CNTN5: variants seen among roughly 807,000 people sequenced by gnomAD.
CNTN5 encodes the protein contactin-5.
CNTN5 carries 77 observed loss-of-function variants against 129.1 expected under a neutral mutation model. The observed-to-expected ratio is 0.60, with a 90% CI of 0.50 to 0.72. The LOEUF is 0.72. CNTN5 is among the 30% of genes least tolerant of loss of function. The probability of loss-of-function intolerance (pLI) is 0.00; values close to 1 mark genes in which losing one functional copy is unlikely to be tolerated. For synonymous variants in CNTN5, 509 were observed against 465.6 expected, an observed-to-expected ratio of 1.09 and a Z score of -1.20; for missense variants, 1,478 against 1,328.8, an observed-to-expected ratio of 1.11 and a Z score of -1.75.
intron 8 of CNTN5, among the ~76,000 whole-genome samples, chr11:99,975,148 T>C (rs968595141): frequency 3.3e-5 from 5 of 152,258 alleles, no homozygotes; most frequent in Admixed American, 6.5e-5. Context: ...AATTGGAAAT[T>C]TAGAGGCAAA....
chr11:99,322,583 A>G (rs978232512), intron 1 of CNTN5, among the ~76,000 whole-genome samples: 1 of 152,176 alleles, frequency 6.6e-6, no homozygotes, highest in African/African-American at 2.4e-5. Context: ...AGGTTTAATT[A>G]CAAGGTTTTA....
chr11:99,358,271 T>TTTTTTTTTTTTTTTTTTTTA, intron 2 of CNTN5, among the ~76,000 whole-genome samples: 1 of 129,440 alleles, frequency 7.7e-6, no homozygotes, highest in African/African-American at 2.8e-5. Flanking sequence ...TTTTTTTTTT[T>TTTTTTTTTTTTTTTTTTTTA]TTTTAGTAGA....
intron 3 of CNTN5, among the ~76,000 whole-genome samples, chr11:99,747,311 G>A (rs1944085032): frequency 6.6e-6 from 1 of 152,022 alleles, no homozygotes; most frequent in Admixed American, 6.6e-5. Flanking sequence ...ACAGTTTTTG[G>A]TGGAGTCTTT....
chr11:99,489,025 C>G (rs1945930824), intron 2 of CNTN5, among the ~76,000 whole-genome samples: 1 of 151,374 alleles, frequency 6.6e-6, no homozygotes, highest in African/African-American at 2.4e-5. Flanking sequence ...AGAGCCTACT[C>G]TATGATTTGC....
intron 16 of CNTN5, among the ~76,000 whole-genome samples, chr11:100,231,757 A>T (rs1234934458): frequency 6.6e-6 from 1 of 152,216 alleles, no homozygotes; most frequent in Non-Finnish European, 1.5e-5. Flanking sequence ...ATTCTATTCT[A>T]AGCAAATAGT....
At chr11:99,821,935 T>C (rs1202565079) in intron 4 of CNTN5, among the ~76,000 whole-genome samples, 1 of 152,194 alleles carries the variant, frequency 6.6e-6, no homozygotes, top group African/African-American at 2.4e-5. Flanking sequence ...AATCTGAGTA[T>C]TTTCCAAGTA....
In CNTN5 at chr11:100,289,865, T is replaced by C. The variant is rs1222910114; in HGVS notation, c.2315-7760T>C. Among the ~76,000 whole-genome samples, 28 of 149,896 alleles carry C rather than the reference T, an allele frequency of 1.9e-4. No individual in the cohort carries two copies. In the South Asian group the frequency reaches 2.6e-3, roughly 14 times the overall value. On this transcript the variant is annotated intron_variant, in intron 18 of 24. Transcript: ENST00000524871. ...TGATTGTATATCTAGAAAACCCCAT[T>C]GTCTCAGCCCAAAATCTCCTTAAGC...
At chr11:100,026,078 T>C (rs1941406002) in intron 9 of CNTN5, among the ~76,000 whole-genome samples, 1 of 152,162 alleles carries the variant, frequency 6.6e-6, no homozygotes, top group African/African-American at 2.4e-5. Flanking sequence ...TCCTCTTTAA[T>C]TGTAATCCCC....
At chr11:100,283,663 G>A (rs74240255) in intron 18 of CNTN5, among the ~76,000 whole-genome samples, 3,735 of 152,136 alleles carry the variant, frequency 0.025, 134 homozygotes, top group East Asian at 0.19. Flanking sequence ...TATTCCCTCC[G>A]GGCCGGGCGC....
intron 3 of CNTN5, among the ~76,000 whole-genome samples, chr11:99,783,110 C>A (rs1475640151): frequency 1.0e-5 from 1 of 98,238 alleles, no homozygotes; most frequent in Non-Finnish European, 2.1e-5. Flanking sequence ...CTACAATGAA[C>A]TCAAACAAAT....
At chr11:99,296,326 TG>T (rs1354405973) in intron 1 of CNTN5, among the ~76,000 whole-genome samples, 1 of 152,150 alleles carries the variant, frequency 6.6e-6, no homozygotes, top group Non-Finnish European at 1.5e-5. Flanking sequence ...CAAATTTTGC[TG>T]TAGTGTGAAT....
At chr11:99,314,510 T>A (rs1021317859) in intron 1 of CNTN5, among the ~76,000 whole-genome samples, 1 of 152,058 alleles carries the variant, frequency 6.6e-6, no homozygotes, top group African/African-American at 2.4e-5. Context: ...ATTTTCATCA[T>A]TAAATAGTGA....
intron 1 of CNTN5, among the ~76,000 whole-genome samples, chr11:99,144,464 G>A (rs554168916): frequency 3.9e-5 from 6 of 152,212 alleles, no homozygotes; most frequent in Middle Eastern, 3.4e-3. Context: ...AAAATTATTG[G>A]AACTAAGTAA....
chr11:99,171,502 T>G (rs1237673767), intron 1 of CNTN5, among the ~76,000 whole-genome samples: 1 of 152,186 alleles, frequency 6.6e-6, no homozygotes, highest in Non-Finnish European at 1.5e-5. Context: ...GTTTTTTTGC[T>G]TTTTAACCAC....
chr11:100,177,134 AC>A (rs1408400510), intron 13 of CNTN5, among the ~76,000 whole-genome samples: 1 of 152,050 alleles, frequency 6.6e-6, no homozygotes, highest in East Asian at 1.9e-4. Flanking sequence ...AGGAGCAAAG[AC>A]TAGAGTTCAG....
intron 6 of CNTN5, among the ~76,000 whole-genome samples, chr11:99,891,461 C>CTAATGCTATG (rs1949056711): frequency 6.6e-6 from 1 of 152,038 alleles, no homozygotes; most frequent in Non-Finnish European, 1.5e-5. Flanking sequence ...GGTATTTCTC[C>CTAATGCTATG]TAATGCTATG....
chr11:99,216,837 C>A lies in CNTN5; in HGVS notation c.-209-108509C>A, dbSNP rs569927285. 2.6e-5 allele frequency among the ~76,000 whole-genome samples: 4 copies of A among 152,092 alleles called. No homozygotes were observed. The South Asian group carries it at 8.3e-4, about 32-fold the overall frequency. On this transcript the variant is annotated intron_variant, in intron 1 of 24. Coordinates refer to ENST00000524871, the MANE Select transcript of CNTN5 (RefSeq NM_014361.4). The stretch of plus-strand genomic sequence containing the variant: ...AATAGTCAACAAAGTGAAGAGGCAA[C>A]CCACAGAGAGGGAGAAAATATTTAC...
At chr11:99,649,135 C>T (rs1360166837) in intron 3 of CNTN5, among the ~76,000 whole-genome samples, 2 of 151,578 alleles carry the variant, frequency 1.3e-5, no homozygotes, top group East Asian at 3.9e-4. Flanking sequence ...TTTTATGTAT[C>T]AAAACATCAC....
chr11:99,651,479 T>C (rs923496043), intron 3 of CNTN5, among the ~76,000 whole-genome samples: 1 of 151,958 alleles, frequency 6.6e-6, no homozygotes, highest in African/African-American at 2.4e-5. Context: ...AAATGTAATA[T>C]CATTGAACAA....
Sources: gnomAD v4.1 joint callset for allele counts (sites outside exome capture counted in the v4.1 genomes callset) on GRCh38, gnomAD v4.1.1 for gene constraint, MANE v1.5 for transcripts, NCBI Gene and HGNC (gene_info 2026-07-23, HGNC 2026-07-21) for gene names.